Variants in MYO10 observed in about 807,000 individuals in gnomAD.
MYO10 encodes the protein myosin X, also known as unconventional myosin-X.
In MYO10, 133 loss-of-function variants were observed where a neutral mutation model predicts 257.3. That is an observed-to-expected ratio of 0.52 (90% CI 0.45 to 0.60). The LOEUF is 0.60. Ranked by LOEUF, MYO10 falls within the 20% of genes least tolerant of loss-of-function variation. The pLI is 0.00. For missense variants in MYO10, 2,399 were observed against 2,635.7 expected, an observed-to-expected ratio of 0.91 and a Z score of 1.97; for synonymous variants, 1,104 against 1,028.6, an observed-to-expected ratio of 1.07 and a Z score of -1.40.
intron 1 of MYO10, among the ~76,000 whole-genome samples, chr5:16,909,841 T>A (rs1052378637): frequency 6.6e-6 from 1 of 152,120 alleles, no homozygotes. Context: ...AAGAGTGAAT[T>A]CTCACTCTTA....
intron 12 of MYO10, 105 bp downstream of exon 12, chr5:16,764,144 CT>C: frequency 2.5e-6 from 3 of 1,197,074 alleles, no homozygotes; most frequent in Non-Finnish European, 3.4e-6. Context: ...GAGACTCCTT[CT>C]CAAAAAAAAA....
At position 16,668,415 on chromosome 5, in the gene MYO10, G is replaced by A. The variant is rs774327382; in HGVS notation, c.5937C>T (p.Ala1979=). Residue 1979 remains alanine, a synonymous_variant, in exon 40 of 41, where the codon GCC becomes GCT. Transcript: ENST00000513610. ...QELWLGVSAD[A]VSVYKRGEGR... is the part of the protein sequence containing the mutation. ...CCTCTCCACGCTTGTAGACGGAGACGGCGTCCGCGCTGACACCCAACCAGA... is the reference window on the plus strand; with the variant it reads ...CCTCTCCACGCTTGTAGACGGAGACAGCGTCCGCGCTGACACCCAACCAGA... 7.4e-6 allele frequency: 12 copies of A among 1,613,816 alleles called. 1 individual carries two copies. The highest frequency in any genetic ancestry group is 2.5e-6 in the Non-Finnish European group (3 of 1,179,818).
Position 16,831,686 on chromosome 5 carries a change from G to A in MYO10, c.121-13519C>T, listed in dbSNP as rs906732959. ...AGCAAAGCTATGAGGATGCAAAGGC[G>A]TAAGAATGACACAATGGACTTTGGG... is the stretch of plus-strand genomic sequence containing the variant. On this transcript the variant is annotated intron_variant, in intron 2 of 40. Coordinates refer to ENST00000513610, the MANE Select transcript of MYO10 (RefSeq NM_012334.3). 6.6e-5 allele frequency among the ~76,000 whole-genome samples: 10 copies of A among 152,218 alleles called. No individual in the cohort carries two copies. The South Asian group carries it at 1.7e-3, about 25-fold the overall frequency.
chr5:16,683,813 A>T (rs1319813981), intron 30 of MYO10, 67 bp downstream of exon 30: 13 of 1,518,214 alleles, frequency 8.6e-6, no homozygotes, highest in African/African-American at 2.7e-5. Flanking sequence ...GTGACCCAGC[A>T]GCACAGACAC....
In MYO10 at chr5:16,932,740, G is replaced by A. The variant is rs1027058813; in HGVS notation, c.21+3048C>T. On this transcript the variant is annotated intron_variant, in intron 1 of 40. Transcript: ENST00000513610. Reference sequence around the variant, plus strand: ...CAAGCTTTGCAAGCTTCCCCCTGGCGCGCAGTAAGACACTATCTATCTAAT... The same window carrying A: ...CAAGCTTTGCAAGCTTCCCCCTGGCACGCAGTAAGACACTATCTATCTAAT... Among the ~76,000 whole-genome samples the A allele has an allele frequency of 3.9e-5, 6 of 151,998 alleles. No homozygotes were observed. In the East Asian group the frequency reaches 7.7e-4, roughly 20 times the overall value.
At chr5:16,706,052 G>C (rs1738317244) in intron 21 of MYO10, among the ~76,000 whole-genome samples, 1 of 151,926 alleles carries the variant, frequency 6.6e-6, no homozygotes, top group African/African-American at 2.4e-5. Flanking sequence ...GGCATGGTGG[G>C]GGTGCCTGTA....
chr5:16,757,396 A>G (rs371783494), intron 18 of MYO10, among the ~76,000 whole-genome samples: 1 of 152,018 alleles, frequency 6.6e-6, no homozygotes, highest in East Asian at 1.9e-4. Context: ...CCTTCTAGAA[A>G]AAGAAAACTG....
chr5:16,668,211 A>G (rs938888937), intron 40 of MYO10, 66 bp downstream of exon 40: 2 of 1,482,082 alleles, frequency 1.3e-6, no homozygotes, highest in African/African-American at 2.8e-5. Context: ...GCATGAGGAA[A>G]TGGGGTCCTG....
intron 2 of MYO10, among the ~76,000 whole-genome samples, chr5:16,830,679 G>GCACACACACACACACACTCACACACA (rs148243580): frequency 6.6e-4 from 99 of 149,022 alleles, no homozygotes; most frequent in African/African-American, 2.3e-3. Context: ...TTTTTAATAG[G>GCACACACACACACACACTCACACACA]CACACACACA....
rs758548090 is a variant in MYO10, at chr5:16,779,586, C to A, written c.889G>T (p.Asp297Tyr). 13 of 1,595,844 alleles carry A rather than the reference C, an allele frequency of 8.1e-6. No homozygotes were observed. The highest frequency in any genetic ancestry group is 1.0e-5 in the Non-Finnish European group (12 of 1,174,720). Residue 297 changes from aspartate (D) to tyrosine (Y), a missense_variant, in exon 9 of 41, where the codon GAC becomes TAC. Coordinates refer to ENST00000513610, the MANE Select transcript of MYO10 (RefSeq NM_012334.3). ...GATTCCTGGTCACTGATTGTCTTGTCTTCTACACATCCAGACTGATTCAAG... is the reference window on the plus strand; with the variant it reads ...GATTCCTGGTCACTGATTGTCTTGTATTCTACACATCCAGACTGATTCAAG... ...HYLNQSGCVEDKTISDQESFR... is the reference protein window; with the variant it reads ...HYLNQSGCVEYKTISDQESFR...
At chr5:16,883,048 T>C (rs900259967) in intron 1 of MYO10, among the ~76,000 whole-genome samples, 2 of 151,860 alleles carry the variant, frequency 1.3e-5, no homozygotes, top group Non-Finnish European at 2.9e-5. Flanking sequence ...CCTGAGTAGC[T>C]GGGACTACAG....
intron 32 of MYO10, among the ~76,000 whole-genome samples, chr5:16,680,781 G>A (rs1309234782): frequency 1.3e-5 from 2 of 152,156 alleles, no homozygotes; most frequent in East Asian, 1.9e-4. Flanking sequence ...GACGCTCATC[G>A]TACAATGATG....
intron 2 of MYO10, among the ~76,000 whole-genome samples, chr5:16,869,126 G>A (rs930925713): frequency 2.8e-4 from 42 of 151,150 alleles, no homozygotes; most frequent in Non-Finnish European, 2.2e-4. Flanking sequence ...CCAGGTTCAC[G>A]CCATTCTCCT....
Position 16,777,836 on chromosome 5 carries a change from TAAC to T in MYO10, c.930+1706_930+1708del, listed in dbSNP as rs376679056. Among the ~76,000 whole-genome samples the T allele has an allele frequency of 3.9e-3, 539 of 136,638 alleles. 5 individuals are homozygous for T. The highest frequency in any genetic ancestry group is 0.015 in the African/African-American group (515 of 33,662). 89.6% of individuals were successfully genotyped at this position (136,638 alleles called of 152,430 possible). A position where few individuals can be genotyped will look rare whatever the true frequency, so the allele number is the denominator to read the frequency against. On this transcript the variant is annotated intron_variant, in intron 9 of 40. Coordinates refer to ENST00000513610, the MANE Select transcript of MYO10 (RefSeq NM_012334.3). The stretch of plus-strand genomic sequence containing the variant: ...GACGCCACCCTAGGTGCATTGCATC[TAAC>T]TTTTTTTTTTTTTTTTTTTTTTTTT...
intron 17 of MYO10, among the ~76,000 whole-genome samples, chr5:16,760,645 A>C (rs985517174): frequency 5.9e-5 from 9 of 152,270 alleles, no homozygotes; most frequent in Non-Finnish European, 1.2e-4. Flanking sequence ...TAAGGCATTT[A>C]TTTTACTAAC....
intron 2 of MYO10, among the ~76,000 whole-genome samples, chr5:16,843,167 G>A (rs940488443): frequency 1.2e-4 from 19 of 152,032 alleles, no homozygotes; most frequent in Non-Finnish European, 2.1e-4. Context: ...GAGCTAGCCC[G>A]GTCCAGCACT....
intron 8 of MYO10, among the ~76,000 whole-genome samples, chr5:16,780,236 G>A (rs1413264833): frequency 2.0e-5 from 3 of 151,920 alleles, no homozygotes; most frequent in Non-Finnish European, 4.4e-5. Context: ...TTTATTCAGG[G>A]TGGCTGAAAA....
chr5:16,825,521 T>A (rs1742975180), intron 2 of MYO10, among the ~76,000 whole-genome samples: 1 of 152,234 alleles, frequency 6.6e-6, no homozygotes, highest in Admixed American at 6.5e-5. Context: ...TTTTATATCC[T>A]ATTTCATTTC....
chr5:16,849,304 C>T (rs1014780831), intron 2 of MYO10, among the ~76,000 whole-genome samples: 13 of 151,984 alleles, frequency 8.6e-5, no homozygotes, highest in African/African-American at 2.9e-4. Flanking sequence ...CACAGGTAAC[C>T]GAAAATAAAT....
Sources: gnomAD v4.1 joint callset for allele counts (sites outside exome capture counted in the v4.1 genomes callset) on GRCh38, gnomAD v4.1.1 for gene constraint, MANE v1.5 for transcripts, NCBI Gene and HGNC (gene_info 2026-07-23, HGNC 2026-07-21) for gene names.